DIAPH2: variants seen among roughly 807,000 people sequenced by gnomAD.
The protein encoded by DIAPH2 is protein diaphanous homolog 2.
DIAPH2 carries 35 observed loss-of-function variants against 92.7 expected under a neutral mutation model. That is an observed-to-expected ratio of 0.38 (90% CI 0.29 to 0.50). The LOEUF (loss-of-function observed/expected upper bound fraction) is 0.50. Ranked by LOEUF, DIAPH2 falls within the 20% of genes least tolerant of loss-of-function variation. The pLI, the probability that DIAPH2 is intolerant of heterozygous loss-of-function variation, is 0.94. For missense variants in DIAPH2, 701 were observed against 819.5 expected, an observed-to-expected ratio of 0.86 and a Z score of 1.77; for synonymous variants, 301 against 280.4, an observed-to-expected ratio of 1.07 and a Z score of -0.73.
intron 17 of DIAPH2, among the ~76,000 whole-genome samples, chrX:96,970,364 T>A (rs2065920757): frequency 9.0e-6 from 1 of 110,867 alleles, no homozygotes; most frequent in Admixed American, 9.7e-5. Flanking sequence ...TTTGTTTGTT[T>A]GTTTGTTTGT....
intron 21 of DIAPH2, among the ~76,000 whole-genome samples, chrX:97,132,936 G>A (rs2067147542): frequency 9.0e-6 from 1 of 110,753 alleles, no homozygotes; most frequent in South Asian, 3.8e-4. Flanking sequence ...CCTGAGTACA[G>A]CACCTGTTGA....
At chrX:97,015,185 TG>T (rs749328354) in intron 17 of DIAPH2, among the ~76,000 whole-genome samples, 7 of 111,562 alleles carry the variant, frequency 6.3e-5, no homozygotes, top group Non-Finnish European at 1.3e-4. Flanking sequence ...GAAAGATACA[TG>T]GGGAAAAAAT....
chrX:97,523,243 C>T (rs1239648405), intron 26 of DIAPH2, among the ~76,000 whole-genome samples: 1 of 111,598 alleles, frequency 9.0e-6, no homozygotes, highest in African/African-American at 3.3e-5. Flanking sequence ...CCCTCCCTCC[C>T]AGTATTTTTG....
intron 17 of DIAPH2, among the ~76,000 whole-genome samples, chrX:96,979,366 C>G (rs2065980266): frequency 8.9e-6 from 1 of 112,416 alleles, no homozygotes; most frequent in Non-Finnish European, 1.9e-5. Context: ...CACTGACTAC[C>G]TCTTCAGGAG....
chrX:96,909,626 T>A (rs1268237853), intron 5 of DIAPH2, among the ~76,000 whole-genome samples: 1 of 111,480 alleles, frequency 9.0e-6, no homozygotes, highest in African/African-American at 3.3e-5. Flanking sequence ...CTCTCTACTT[T>A]AAAAGTTTTA....
intron 14 of DIAPH2, among the ~76,000 whole-genome samples, chrX:96,947,290 G>C (rs1210502581): frequency 9.0e-6 from 1 of 111,437 alleles, no homozygotes; most frequent in Non-Finnish European, 1.9e-5. Flanking sequence ...TGCTTGTGTA[G>C]GTGCCATGAT....
At chrX:97,390,267 T>A (rs990368458) in intron 25 of DIAPH2, among the ~76,000 whole-genome samples, 28 of 84,312 alleles carry the variant, frequency 3.3e-4, no homozygotes, top group African/African-American at 1.2e-3. Flanking sequence ...TTGCCAAGAC[T>A]GGAGTGCAGT....
chrX:97,448,801 G>GA (rs1330026184), intron 26 of DIAPH2, among the ~76,000 whole-genome samples: 61 of 111,828 alleles, frequency 5.5e-4, no homozygotes, highest in African/African-American at 1.9e-3. Flanking sequence ...CTGATAATTT[G>GA]AAAATCTCAC....
chrX:97,021,621 A>G (rs892656550), intron 17 of DIAPH2, among the ~76,000 whole-genome samples: 4 of 112,323 alleles, frequency 3.6e-5, no homozygotes, highest in Non-Finnish European at 7.5e-5. Context: ...AGGTGTATAA[A>G]TGAAATTAAT....
intron 23 of DIAPH2, among the ~76,000 whole-genome samples, chrX:97,271,185 C>T (rs2068383585): frequency 9.0e-6 from 1 of 111,301 alleles, no homozygotes; most frequent in African/African-American, 3.3e-5. Flanking sequence ...TGGGCAGAAA[C>T]TGCTAATACA....
At chrX:97,472,954 C>G (rs766820460) in intron 26 of DIAPH2, among the ~76,000 whole-genome samples, 2 of 112,034 alleles carry the variant, frequency 1.8e-5, no homozygotes, top group African/African-American at 6.5e-5. Flanking sequence ...TTTCTCTCAA[C>G]TGGAGTGCTC....
intron 22 of DIAPH2, among the ~76,000 whole-genome samples, chrX:97,210,674 C>G (rs1410865562): frequency 9.0e-6 from 1 of 111,425 alleles, no homozygotes; most frequent in Non-Finnish European, 1.9e-5. Context: ...ATGATTGAGA[C>G]CGGGAGCTAC....
chrX:96,939,217 G>T, intron 11 of DIAPH2, 49 bp from the exon 12 acceptor site: 1 of 562,540 alleles, frequency 1.8e-6, no homozygotes, highest in Non-Finnish European at 3.0e-6. Flanking sequence ...CCTTTGTTAT[G>T]AATGAGACTT....
At chrX:97,072,517 C>G (rs767146134) in intron 17 of DIAPH2, among the ~76,000 whole-genome samples, 1 of 112,001 alleles carries the variant, frequency 8.9e-6, no homozygotes, top group East Asian at 2.8e-4. Context: ...TTAAACTTAC[C>G]TTAGGTGCTT....
intron 1 of DIAPH2, among the ~76,000 whole-genome samples, chrX:96,689,006 G>A (rs2063785782): frequency 9.1e-6 from 1 of 110,048 alleles, no homozygotes; most frequent in South Asian, 4.0e-4. Flanking sequence ...ATGGTTGGGG[G>A]TGGTCATGGA....
At chrX:97,452,737 G>C (rs766460937) in intron 26 of DIAPH2, among the ~76,000 whole-genome samples, 1 of 112,212 alleles carries the variant, frequency 8.9e-6, no homozygotes, top group Non-Finnish European at 1.9e-5. Flanking sequence ...TACAATGGAC[G>C]TAGGCTTCTG....
intron 21 of DIAPH2, among the ~76,000 whole-genome samples, chrX:97,129,103 TTTC>T (rs1397621683): frequency 1.4e-4 from 9 of 63,711 alleles, no homozygotes; most frequent in Non-Finnish European, 2.5e-4. Context: ...TTTCTTTTCT[TTTC>T]TTTTCTTTTC....
At chrX:97,424,705 C>T (rs2070044004) in intron 25 of DIAPH2, among the ~76,000 whole-genome samples, 1 of 111,884 alleles carries the variant, frequency 8.9e-6, no homozygotes, top group Non-Finnish European at 1.9e-5. Context: ...ACCCCAACCT[C>T]CCAGGCTCAA....
At chrX:97,469,875 G>T in intron 26 of DIAPH2, 1 of 1,057,654 alleles carries the variant, frequency 9.5e-7, no homozygotes, top group Non-Finnish European at 1.2e-6. Flanking sequence ...TCTGCCTAAG[G>T]CTTTCTGATA....
Sources: gnomAD v4.1 joint callset for allele counts (sites outside exome capture counted in the v4.1 genomes callset) on GRCh38, gnomAD v4.1.1 for gene constraint, MANE v1.5 for transcripts, NCBI Gene and HGNC (gene_info 2026-07-23, HGNC 2026-07-21) for gene names.